VWA8: variants seen among roughly 807,000 people sequenced by gnomAD.
VWA8 encodes the protein von Willebrand factor A domain containing 8.
A neutral mutation model predicts 241.5 loss-of-function variants in VWA8; 221 were observed. The ratio of observed to expected loss-of-function variants is 0.91; its 90% CI spans 0.82 to 1.02. The LOEUF (loss-of-function observed/expected upper bound fraction) is 1.02, where lower values mean the gene tolerates loss of function less well. Ranked by LOEUF, VWA8 falls within the 50% of genes least tolerant of loss-of-function variation. The probability of loss-of-function intolerance (pLI) is 0.00; values close to 1 mark genes in which losing one functional copy is unlikely to be tolerated. For missense variants in VWA8, 2,322 were observed against 2,328.7 expected (o/e 1.00, Z 0.06); for synonymous variants, 852 against 827.1 (o/e 1.03, Z -0.52).
At chr13:41,726,203 C>CAA (rs957735471) in intron 24 of VWA8, among the ~76,000 whole-genome samples, 1 of 151,832 alleles carries the variant, frequency 6.6e-6, no homozygotes, top group Non-Finnish European at 1.5e-5. Flanking sequence ...TGTGTGGATA[C>CAA]AAAAAAATTT....
Position 41,568,085 on chromosome 13 carries a change from T to A in VWA8, c.*112A>T. 1.2e-6 allele frequency: 1 copy of A among 859,634 alleles called. No individual in the cohort carries two copies. Among genetic ancestry groups the A allele is most frequent in the Non-Finnish European group, 1.9e-6 (1 of 538,018 alleles). The allele number at this position is 859,634 out of a possible 1,614,324, so 53.3% of individuals were successfully genotyped here. On this transcript the variant is annotated 3_prime_UTR_variant, in exon 45 of 45. Coordinates refer to ENST00000379310, the MANE Select transcript of VWA8 (RefSeq NM_015058.2). ...GTAGGAAGACCCAGGAATGCCGGAA[T>A]CATCCAGTCACTGCATGGGTTCACT...
At chr13:41,885,224 G>C (rs1369210013) in intron 8 of VWA8, among the ~76,000 whole-genome samples, 1 of 152,190 alleles carries the variant, frequency 6.6e-6, no homozygotes, top group East Asian at 1.9e-4. Context: ...TTGCTTTAGG[G>C]ATACAACTTA....
chr13:41,783,933 C>A, intron 18 of VWA8, 32 bp from the exon 19 acceptor site: 1 of 1,557,084 alleles, frequency 6.4e-7, no homozygotes, highest in South Asian at 1.1e-5. Context: ...GATAATTATT[C>A]ATAGCACTGT....
intron 22 of VWA8, among the ~76,000 whole-genome samples, chr13:41,730,499 T>C (rs1157744887): frequency 6.7e-6 from 1 of 148,360 alleles, no homozygotes; most frequent in African/African-American, 2.5e-5. Flanking sequence ...TATGAAAAAA[T>C]GGAAATAAAA....
At position 41,863,433 on chromosome 13, in the gene VWA8, GTATATATATA is replaced by G. The variant is rs201997688; in HGVS notation, c.1425+2293_1425+2302del. 4.3e-5 allele frequency among the ~76,000 whole-genome samples: 3 copies of G among 69,814 alleles called. No individual in the cohort carries two copies. In the East Asian group the frequency reaches 1.2e-3, roughly 29 times the overall value. The allele number at this position is 69,814 out of a possible 152,430, so 45.8% of individuals were successfully genotyped here. ...TGTGTGTGTGTGTGTGTGTGTGTGT[GTATATATATA>G]TATATATATATTCACACACACACAC... On this transcript the variant is annotated intron_variant, in intron 12 of 44. Transcript: ENST00000379310.
At chr13:41,919,635 G>T (rs914889581) in intron 2 of VWA8, among the ~76,000 whole-genome samples, 1 of 152,040 alleles carries the variant, frequency 6.6e-6, no homozygotes, top group Non-Finnish European at 1.5e-5. Flanking sequence ...TCCATCCCCT[G>T]CATCCCAGAC....
intron 21 of VWA8, among the ~76,000 whole-genome samples, chr13:41,747,452 T>A (rs879383531): frequency 2.0e-5 from 3 of 152,196 alleles, no homozygotes; most frequent in Non-Finnish European, 4.4e-5. Flanking sequence ...TGATTTTGTA[T>A]CCTGAGACTT....
intron 1 of VWA8, among the ~76,000 whole-genome samples, chr13:41,954,964 C>T (rs914642487): frequency 5.3e-5 from 8 of 152,198 alleles, no homozygotes; most frequent in Non-Finnish European, 1.0e-4. Flanking sequence ...GTTTAGTCTA[C>T]AGGACTCTTT....
chr13:41,953,303 C>T (rs1878217320), intron 1 of VWA8, among the ~76,000 whole-genome samples: 1 of 152,210 alleles, frequency 6.6e-6, no homozygotes. Flanking sequence ...CACCCAACAA[C>T]AGAATGCATA....
intron 42 of VWA8, among the ~76,000 whole-genome samples, chr13:41,576,862 A>G (rs771099805): frequency 1.6e-4 from 24 of 152,394 alleles, no homozygotes; most frequent in Non-Finnish European, 3.4e-4. Context: ...CCTGGCCCAT[A>G]GCCCATACCC....
At chr13:41,954,715 T>C (rs544971881) in intron 1 of VWA8, among the ~76,000 whole-genome samples, 1 of 152,332 alleles carries the variant, frequency 6.6e-6, no homozygotes, top group Admixed American at 6.5e-5. Context: ...ACTTAAAAGA[T>C]ACACTCAGAA....
chr13:41,619,996 G>T (rs947048994), intron 37 of VWA8, among the ~76,000 whole-genome samples: 2 of 152,160 alleles, frequency 1.3e-5, no homozygotes, highest in African/African-American at 4.8e-5. Context: ...AAATGAGTTA[G>T]GGAGGATTCC....
intron 17 of VWA8, among the ~76,000 whole-genome samples, chr13:41,788,160 T>C (rs146751946): frequency 3.1e-4 from 47 of 152,280 alleles, no homozygotes; most frequent in African/African-American, 1.1e-3. Context: ...CCTACACAAA[T>C]AAAGCTATAG....
chr13:41,678,589 C>T (rs2045076487), intron 35 of VWA8, among the ~76,000 whole-genome samples: 1 of 152,230 alleles, frequency 6.6e-6, no homozygotes, highest in Non-Finnish European at 1.5e-5. Flanking sequence ...CTTAGAGGCA[C>T]TTTTACAAAT....
intron 5 of VWA8, among the ~76,000 whole-genome samples, chr13:41,890,954 G>T (rs1378897568): frequency 1.3e-5 from 2 of 152,098 alleles, no homozygotes. Context: ...ATCAGAACAG[G>T]ATATCCTTTA....
chr13:41,831,625 T>TG, intron 13 of VWA8, among the ~76,000 whole-genome samples: 1 of 148,194 alleles, frequency 6.7e-6, no homozygotes, highest in African/African-American at 2.5e-5. Flanking sequence ...TTTTTTTTTT[T>TG]TTTTTTTTTT....
intron 12 of VWA8, among the ~76,000 whole-genome samples, chr13:41,845,097 C>G (rs750724143): frequency 4.6e-5 from 7 of 151,986 alleles, no homozygotes; most frequent in African/African-American, 2.4e-5. Context: ...CACAGCAATC[C>G]TAAGCAAAAA....
chr13:41,691,183 A>G (rs563793442), intron 32 of VWA8, 137 bp downstream of exon 32: 2 of 1,057,874 alleles, frequency 1.9e-6, no homozygotes, highest in Non-Finnish European at 2.6e-6. Flanking sequence ...TATAAGTCTC[A>G]TATATAGAGA....
intron 26 of VWA8, among the ~76,000 whole-genome samples, chr13:41,714,555 A>C (rs2045336890): frequency 6.6e-6 from 1 of 152,038 alleles, no homozygotes; most frequent in African/African-American, 2.4e-5. Context: ...TTTGTGTTCC[A>C]AATCAAGAAG....
Sources: gnomAD v4.1 joint callset for allele counts (sites outside exome capture counted in the v4.1 genomes callset) on GRCh38, gnomAD v4.1.1 for gene constraint, MANE v1.5 for transcripts, NCBI Gene and HGNC (gene_info 2026-07-23, HGNC 2026-07-21) for gene names.